The following EPHA6 variants were observed in gnomAD, a reference collection of about 807,000 sequenced individuals.
The protein encoded by EPHA6 is EPH receptor A6.
A neutral mutation model predicts 112.0 loss-of-function variants in EPHA6; 50 were observed. That is an observed-to-expected ratio of 0.45 (90% CI 0.36 to 0.56). EPHA6 has a LOEUF of 0.56. EPHA6 is among the 20% of genes least tolerant of loss of function. The pLI is 0.00. For missense variants in EPHA6, 1,280 were observed against 1,417.4 expected (o/e 0.90, Z 1.56); for synonymous variants, 529 against 490.7 (o/e 1.08, Z -1.03).
chr3:97,628,282 A>G (rs2093875246), intron 13 of EPHA6, among the ~76,000 whole-genome samples: 1 of 151,976 alleles, frequency 6.6e-6, no homozygotes, highest in South Asian at 2.1e-4. Context: ...GATTGGATAA[A>G]GTGCATAAAA....
At chr3:97,640,521 A>G (rs896699534) in intron 14 of EPHA6, among the ~76,000 whole-genome samples, 8 of 152,136 alleles carry the variant, frequency 5.3e-5, no homozygotes, top group African/African-American at 1.7e-4. Context: ...ATCCCATCCC[A>G]GCACTTTGGG....
At chr3:97,073,105 T>C (rs553884144) in intron 3 of EPHA6, among the ~76,000 whole-genome samples, 1 of 152,284 alleles carries the variant, frequency 6.6e-6, no homozygotes, top group African/African-American at 2.4e-5. Flanking sequence ...GACTGCTTTC[T>C]CCTTTACCTG....
At chr3:97,457,889 A>AC (rs58338731) in intron 7 of EPHA6, among the ~76,000 whole-genome samples, 3,863 of 151,240 alleles carry the variant, frequency 0.026, 164 homozygotes, top group African/African-American at 0.083. Context: ...ACATGGTGAA[A>AC]CCCCCCTCTC....
At chr3:97,667,537 A>G (rs1005040184) in intron 14 of EPHA6, among the ~76,000 whole-genome samples, 1 of 152,256 alleles carries the variant, frequency 6.6e-6, no homozygotes, top group Non-Finnish European at 1.5e-5. Context: ...CTCAGGAAAG[A>G]TGTTGCTAAA....
chr3:97,755,422 C>T lies in EPHA6; in HGVS notation c.*6721C>T, dbSNP rs904302715. Among the ~76,000 whole-genome samples the T allele has an allele frequency of 3.3e-5, 5 of 152,064 alleles. No individual in the cohort carries two copies. The highest frequency in any genetic ancestry group is 1.2e-4 in the African/African-American group (5 of 41,426). On this transcript the variant is annotated 3_prime_UTR_variant, in exon 18 of 18. Transcript: ENST00000389672. ...GCCATTTTTAATTTGTCATAATAAACTCATTTCTGGTTAGATAATAAGTTA... is the reference window on the plus strand; with the variant it reads ...GCCATTTTTAATTTGTCATAATAAATTCATTTCTGGTTAGATAATAAGTTA...
chr3:96,931,018 A>AG lies in EPHA6; in HGVS notation c.451-56312_451-56311insG, dbSNP rs1553733276. Among the ~76,000 whole-genome samples, 26 of 84,578 alleles carry AG rather than the reference A, an allele frequency of 3.1e-4. 5 individuals are homozygous for AG. Among genetic ancestry groups the AG allele is most frequent in the African/African-American group, 8.4e-4 (20 of 23,674 alleles). The allele number at this position is 84,578 out of a possible 152,430, so 55.5% of individuals were successfully genotyped here. Reference sequence around the variant, plus strand: ...AAAAAAAAAAAAAAAAAAAAAAAAAAAAAGAAAAGCTTTCTGGCTGCTTTT... The same window carrying AG: ...AAAAAAAAAAAAAAAAAAAAAAAAAAGAAAGAAAAGCTTTCTGGCTGCTTTT... On this transcript the variant is annotated intron_variant, in intron 2 of 17. Coordinates refer to ENST00000389672, the MANE Select transcript of EPHA6 (RefSeq NM_001080448.3).
intron 5 of EPHA6, among the ~76,000 whole-genome samples, chr3:97,304,689 G>C (rs535242872): frequency 3.3e-5 from 5 of 151,858 alleles, no homozygotes; most frequent in Non-Finnish European, 7.4e-5. Context: ...ACTGCCTATC[G>C]ATATGCACAA....
chr3:97,519,036 G>T (rs1014616029), intron 10 of EPHA6, among the ~76,000 whole-genome samples: 2 of 151,984 alleles, frequency 1.3e-5, no homozygotes, highest in Non-Finnish European at 2.9e-5. Flanking sequence ...TTTGATGCCT[G>T]TGCGTTTAAG....
intron 2 of EPHA6, among the ~76,000 whole-genome samples, chr3:96,951,725 A>G (rs377129492): frequency 1.3e-5 from 2 of 152,174 alleles, no homozygotes; most frequent in Non-Finnish European, 1.5e-5. Context: ...GAGGCTGTGG[A>G]TTAAATCATA....
intron 3 of EPHA6, among the ~76,000 whole-genome samples, chr3:97,055,437 G>T (rs911623309): frequency 6.6e-6 from 1 of 152,072 alleles, no homozygotes; most frequent in Non-Finnish European, 1.5e-5. Context: ...TTCATGAGTA[G>T]AAATGGTTTG....
intron 3 of EPHA6, among the ~76,000 whole-genome samples, chr3:97,144,362 A>T (rs1464111559): frequency 1.3e-5 from 2 of 151,432 alleles, no homozygotes; most frequent in African/African-American, 4.8e-5. Flanking sequence ...AATTATATGG[A>T]TCAATAGGGC....
At chr3:97,373,216 A>T (rs920625525) in intron 5 of EPHA6, among the ~76,000 whole-genome samples, 13 of 152,170 alleles carry the variant, frequency 8.5e-5, no homozygotes, top group Admixed American at 6.6e-5. Context: ...TGTATGTTTT[A>T]TATGAAGCAA....
chr3:97,058,695 T>C (rs1379642880), intron 3 of EPHA6, among the ~76,000 whole-genome samples: 1 of 152,214 alleles, frequency 6.6e-6, no homozygotes, highest in Non-Finnish European at 1.5e-5. Context: ...AATTCTCTTA[T>C]TAAAGTGAAT....
chr3:97,100,042 C>G (rs1167572238), intron 3 of EPHA6, among the ~76,000 whole-genome samples: 2 of 151,862 alleles, frequency 1.3e-5, no homozygotes, highest in African/African-American at 4.8e-5. Flanking sequence ...TTAAAAGTCA[C>G]TATACAAGGC....
chr3:97,417,318 G>A (rs889187128), intron 6 of EPHA6, among the ~76,000 whole-genome samples: 8 of 152,050 alleles, frequency 5.3e-5, no homozygotes, highest in African/African-American at 1.7e-4. Flanking sequence ...GGAGAAAAGC[G>A]CTTTTCCTGA....
intron 6 of EPHA6, among the ~76,000 whole-genome samples, chr3:97,416,229 T>C (rs2088112352): frequency 6.6e-6 from 1 of 152,096 alleles, no homozygotes; most frequent in African/African-American, 2.4e-5. Flanking sequence ...CTACATATTT[T>C]TGTGTCAACC....
At chr3:97,688,089 A>G (rs943379623) in intron 14 of EPHA6, among the ~76,000 whole-genome samples, 2 of 152,184 alleles carry the variant, frequency 1.3e-5, no homozygotes, top group Admixed American at 1.3e-4. Flanking sequence ...AGAAAGGTAG[A>G]TAGTATTATT....
intron 11 of EPHA6, among the ~76,000 whole-genome samples, chr3:97,570,309 C>T (rs2107218771): frequency 6.6e-6 from 1 of 152,298 alleles, no homozygotes; most frequent in Middle Eastern, 3.4e-3. Context: ...ATGGAAGGCA[C>T]TCCAGGCCGG....
chr3:97,216,661 C>A (rs2078043696), intron 3 of EPHA6, among the ~76,000 whole-genome samples: 1 of 152,162 alleles, frequency 6.6e-6, no homozygotes, highest in Admixed American at 6.5e-5. Flanking sequence ...CCAAACAGTT[C>A]TCTAAAGTGG....
Sources: gnomAD v4.1 joint callset for allele counts (sites outside exome capture counted in the v4.1 genomes callset) on GRCh38, gnomAD v4.1.1 for gene constraint, MANE v1.5 for transcripts, NCBI Gene and HGNC (gene_info 2026-07-23, HGNC 2026-07-21) for gene names.